WDFY2: variants seen among roughly 807,000 people sequenced by gnomAD.
The protein encoded by WDFY2 is WD repeat and FYVE domain-containing protein 2.
A neutral mutation model predicts 56.4 loss-of-function variants in WDFY2; 36 were observed. The ratio of observed to expected loss-of-function variants is 0.64; its 90% CI spans 0.49 to 0.84. The LOEUF is 0.84. WDFY2 is among the 40% of genes least tolerant of loss of function. The pLI is 0.00. For synonymous variants in WDFY2, 176 were observed against 183.7 expected, an observed-to-expected ratio of 0.96 and a Z score of 0.34; for missense variants, 444 against 512.2, an observed-to-expected ratio of 0.87 and a Z score of 1.29.
At chr13:51,631,502 T>G (rs529836792) in intron 1 of WDFY2, among the ~76,000 whole-genome samples, 24 of 152,330 alleles carry the variant, frequency 1.6e-4, no homozygotes, top group Admixed American at 7.8e-4. Context: ...AACTTACTTG[T>G]TTATCATTAG....
chr13:51,601,913 C>T (rs1428355056), intron 1 of WDFY2, among the ~76,000 whole-genome samples: 1 of 152,176 alleles, frequency 6.6e-6, no homozygotes, highest in African/African-American at 2.4e-5. Context: ...GTCAGCTAGC[C>T]AATCAACAAA....
At chr13:51,693,888 T>G (rs1951804316) in intron 3 of WDFY2, among the ~76,000 whole-genome samples, 1 of 152,026 alleles carries the variant, frequency 6.6e-6, no homozygotes, top group African/African-American at 2.4e-5. Flanking sequence ...GCATATATAT[T>G]TAGGATAGTT....
At chr13:51,586,120 C>A (rs1953932168) in intron 1 of WDFY2, 1 of 398,448 alleles carries the variant, frequency 2.5e-6, no homozygotes, top group Non-Finnish European at 4.4e-6. Flanking sequence ...GGATGTAGGA[C>A]CCTTTTGAAA....
At chr13:51,748,975 G>A (rs1953165835) in intron 7 of WDFY2, among the ~76,000 whole-genome samples, 1 of 152,062 alleles carries the variant, frequency 6.6e-6, no homozygotes, top group Non-Finnish European at 1.5e-5. Flanking sequence ...GTATACAATG[G>A]AGTTTTCCAG....
At chr13:51,692,106 G>C (rs1271023754) in intron 3 of WDFY2, among the ~76,000 whole-genome samples, 3 of 152,134 alleles carry the variant, frequency 2.0e-5, no homozygotes, top group African/African-American at 7.2e-5. Context: ...GAGACAATGG[G>C]GTTTTCTAGA....
At chr13:51,704,225 A>C (rs367878711) in intron 4 of WDFY2, among the ~76,000 whole-genome samples, 1 of 152,190 alleles carries the variant, frequency 6.6e-6, no homozygotes. Flanking sequence ...TCCAGCCTCT[A>C]CTTTAGTACC....
rs561914574 is a variant in WDFY2, at chr13:51,634,364, C to T, written c.138-26232C>T. Among the ~76,000 whole-genome samples the T allele has an allele frequency of 2.2e-4, 34 of 152,002 alleles. No individual in the cohort carries two copies. The South Asian group carries it at 6.4e-3, about 29-fold the overall frequency. On this transcript the variant is annotated intron_variant, in intron 1 of 11. Coordinates refer to ENST00000298125, the MANE Select transcript of WDFY2 (RefSeq NM_052950.4). ...CCTCTTTGTATTCCTAGTACTAGAC[C>T]TGATTCATGATAAATACTCAATATA...
At chr13:51,739,285 A>G in intron 7 of WDFY2, 110 bp downstream of exon 7, 2 of 1,310,046 alleles carry the variant, frequency 1.5e-6, no homozygotes, top group Non-Finnish European at 2.0e-6. Context: ...GGGAAGGAAC[A>G]TGGCGGGAAC....
intron 7 of WDFY2, among the ~76,000 whole-genome samples, chr13:51,748,893 C>G (rs1401443717): frequency 6.6e-6 from 1 of 152,154 alleles, no homozygotes; most frequent in Non-Finnish European, 1.5e-5. Flanking sequence ...TTTTGTCCTT[C>G]ATTTTTCTCT....
chr13:51,646,471 T>TA (rs1413270750), intron 1 of WDFY2, among the ~76,000 whole-genome samples: 2 of 152,234 alleles, frequency 1.3e-5, no homozygotes, highest in Non-Finnish European at 2.9e-5. Context: ...GGCATCTCCA[T>TA]ACCTTAGCTC....
At chr13:51,676,045 A>G (rs1187150843) in intron 3 of WDFY2, among the ~76,000 whole-genome samples, 2 of 152,192 alleles carry the variant, frequency 1.3e-5, no homozygotes, top group African/African-American at 4.8e-5. Context: ...ACTTCCCCAC[A>G]GGGTGGAGGA....
chr13:51,642,646 C>T (rs1217332668), intron 1 of WDFY2, among the ~76,000 whole-genome samples: 1 of 150,166 alleles, frequency 6.7e-6, no homozygotes, highest in Non-Finnish European at 1.5e-5. Flanking sequence ...TTTTATAAAC[C>T]TGCTTCGTGA....
chr13:51,589,684 G>C (rs939847603), intron 1 of WDFY2: 8 of 152,144 alleles, frequency 5.3e-5, no homozygotes, highest in African/African-American at 1.9e-4. Context: ...TCTGAAAGTT[G>C]AGGACTTTTC....
intron 1 of WDFY2, chr13:51,598,461 GA>G (rs1954196873): frequency 6.6e-6 from 1 of 152,166 alleles, no homozygotes; most frequent in South Asian, 2.1e-4. Context: ...CGCCACAGTG[GA>G]CCCCTCTCTG....
At chr13:51,611,197 A>G (rs1732205482) in intron 1 of WDFY2, among the ~76,000 whole-genome samples, 2 of 152,230 alleles carry the variant, frequency 1.3e-5, no homozygotes, top group African/African-American at 2.4e-5. Flanking sequence ...TGCCTGGTAC[A>G]TAGTAGGTGC....
Position 51,759,732 on chromosome 13 carries a change from T to A in WDFY2, c.1174-8T>A. ...AGTTCATTCTGTATCTTCTTTTTCT[T>A]TTTGCAGTTGTGGGATATGACCCCA... On this transcript the variant is annotated splice_region_variant and splice_polypyrimidine_tract_variant and intron_variant, in intron 11 of 11. Transcript: ENST00000298125. The A allele has an allele frequency of 6.2e-7, 1 of 1,614,016 alleles. No individual in the cohort carries two copies. The highest frequency in any genetic ancestry group is 8.5e-7 in the Non-Finnish European group (1 of 1,179,904).
intron 1 of WDFY2, among the ~76,000 whole-genome samples, chr13:51,600,946 T>C (rs943607047): frequency 6.6e-6 from 1 of 152,198 alleles, no homozygotes; most frequent in Non-Finnish European, 1.5e-5. Flanking sequence ...CATTTTCTCA[T>C]TGCTTTATTT....
rs1266828131 is a variant in WDFY2, at chr13:51,584,651, G to T, written c.-37G>T. 6.3e-7 allele frequency: 1 copy of T among 1,594,470 alleles called. No individual in the cohort carries two copies. Among genetic ancestry groups the T allele is most frequent in the South Asian group, 1.1e-5 (1 of 89,366 alleles). On this transcript the variant is annotated 5_prime_UTR_variant, in exon 1 of 12. Transcript: ENST00000298125. ...TCTCCTCAGCCCGGCCCCGCGGCGC[G>T]GTTGGCGGCGGCGCCCCAGGCGCGC...
At chr13:51,752,909 C>T (rs967714263) in intron 8 of WDFY2, 2 of 152,212 alleles carry the variant, frequency 1.3e-5, no homozygotes, top group African/African-American at 4.8e-5. Flanking sequence ...GTGTGATGCT[C>T]ACCTTGGGAG....
Sources: allele counts gnomAD v4.1 joint callset (sites outside exome capture counted in the v4.1 genomes callset), GRCh38; gene constraint gnomAD v4.1.1; transcripts MANE v1.5; gene names NCBI Gene and HGNC (gene_info 2026-07-23, HGNC 2026-07-21).